ARB2A: variants seen among roughly 807,000 people sequenced by gnomAD.
ARB2A encodes the protein ARB2 cotranscriptional regulator A.
the ARB2A span, chr5:93,784,537 T>A: frequency 1.3e-6 from 2 of 1,531,118 alleles, no homozygotes; most frequent in Non-Finnish European, 1.8e-6. Flanking sequence ...TGGCTATAAT[T>A]GTTTTTCCTA....
chr5:93,814,906 T>C, the ARB2A span, among the ~76,000 whole-genome samples: 3 of 152,224 alleles, frequency 2.0e-5, no homozygotes, highest in Non-Finnish European at 2.9e-5. Flanking sequence ...GGTGTGATCA[T>C]AGCTCACTGC....
At chr5:93,671,722 A>T in the ARB2A span, among the ~76,000 whole-genome samples, 4 of 152,146 alleles carry the variant, frequency 2.6e-5, no homozygotes, top group African/African-American at 9.7e-5. Flanking sequence ...TGGAAAAAAA[A>T]GTTTGGAAAA....
chr5:93,851,574 G>C, the ARB2A span, among the ~76,000 whole-genome samples: 1 of 152,222 alleles, frequency 6.6e-6, no homozygotes, highest in South Asian at 2.1e-4. Context: ...TTTAGCATTA[G>C]GTATATCTCC....
At chr5:93,626,941 C>A in the ARB2A span, among the ~76,000 whole-genome samples, 1 of 152,214 alleles carries the variant, frequency 6.6e-6, no homozygotes, top group South Asian at 2.1e-4. Flanking sequence ...GAACTTCTTT[C>A]AAAATTAGTC....
chr5:94,052,812 T>C, the ARB2A span, among the ~76,000 whole-genome samples: 93 of 152,292 alleles, frequency 6.1e-4, no homozygotes, highest in African/African-American at 2.2e-3. Context: ...GGAGTTCAAA[T>C]TGGATACCAG....
the ARB2A span, among the ~76,000 whole-genome samples, chr5:93,924,646 C>G: frequency 6.6e-6 from 1 of 152,014 alleles, no homozygotes; most frequent in Non-Finnish European, 1.5e-5. Context: ...CCAGGAGAAC[C>G]AAGTAGTGAA....
the ARB2A span, among the ~76,000 whole-genome samples, chr5:93,884,196 C>T: frequency 7.9e-5 from 12 of 151,624 alleles, no homozygotes; most frequent in African/African-American, 2.9e-4. Flanking sequence ...ACAAAATTTA[C>T]AGTCACCAGA....
chr5:93,733,521 A>C, the ARB2A span: 4 of 152,122 alleles, frequency 2.6e-5, no homozygotes, highest in Non-Finnish European at 5.9e-5. Context: ...TTTCTTATAA[A>C]AATTCTTAAA....
the ARB2A span, among the ~76,000 whole-genome samples, chr5:93,870,725 A>G: frequency 2.6e-5 from 4 of 152,220 alleles, no homozygotes; most frequent in Non-Finnish European, 5.9e-5. Flanking sequence ...TTACTGCCAC[A>G]TAAGGGGGGG....
chr5:93,924,073 G>C, the ARB2A span, among the ~76,000 whole-genome samples: 2 of 152,178 alleles, frequency 1.3e-5, no homozygotes, highest in African/African-American at 4.8e-5. Flanking sequence ...ATATTTGAAA[G>C]CACAAAACTA....
chr5:93,805,960 G>C, the ARB2A span: 2 of 983,960 alleles, frequency 2.0e-6, no homozygotes, highest in African/African-American at 3.5e-5. Context: ...TGAGGTAAAA[G>C]AGCTCTCCTC....
At chr5:94,019,067 T>A in the ARB2A span, among the ~76,000 whole-genome samples, 1 of 152,176 alleles carries the variant, frequency 6.6e-6, no homozygotes, top group East Asian at 1.9e-4. Context: ...GGGGAAATGA[T>A]TCCATATTTA....
the ARB2A span, among the ~76,000 whole-genome samples, chr5:93,939,825 G>C: frequency 6.6e-6 from 1 of 151,998 alleles, no homozygotes; most frequent in Non-Finnish European, 1.5e-5. Context: ...TTCATCGTAA[G>C]TTCTACTCTA....
chr5:93,998,258 G>C, the ARB2A span, among the ~76,000 whole-genome samples: 2 of 152,006 alleles, frequency 1.3e-5, no homozygotes, highest in Non-Finnish European at 2.9e-5. Flanking sequence ...TATTGAGATG[G>C]GGATGTGGGG....
At chr5:94,077,706 T>C in the ARB2A span, among the ~76,000 whole-genome samples, 1 of 152,226 alleles carries the variant, frequency 6.6e-6, no homozygotes, top group Non-Finnish European at 1.5e-5. Context: ...TGGCATTATC[T>C]GATGGAGGTT....
At chr5:94,104,355 A>C in the ARB2A span, among the ~76,000 whole-genome samples, 5 of 151,574 alleles carry the variant, frequency 3.3e-5, no homozygotes, top group African/African-American at 2.4e-5. Flanking sequence ...AAAAAAAAAA[A>C]CTCTCAGAGA....
At chr5:93,678,952 A>C in the ARB2A span, among the ~76,000 whole-genome samples, 1 of 152,180 alleles carries the variant, frequency 6.6e-6, no homozygotes, top group Non-Finnish European at 1.5e-5. Context: ...ACCATCGGCA[A>C]TGTTTTTCTT....
the ARB2A span, among the ~76,000 whole-genome samples, chr5:93,991,993 G>GA: frequency 5.9e-5 from 9 of 151,262 alleles, no homozygotes; most frequent in African/African-American, 1.5e-4. Flanking sequence ...CAGTGATAAA[G>GA]AAAAAAAATC....
At chr5:93,865,004 A>T in the ARB2A span, among the ~76,000 whole-genome samples, 1 of 152,186 alleles carries the variant, frequency 6.6e-6, no homozygotes, top group Admixed American at 6.5e-5. Flanking sequence ...ATGTGAAGAG[A>T]TCTGTTCCAA....
Sources: allele counts gnomAD v4.1 joint callset (sites outside exome capture counted in the v4.1 genomes callset), GRCh38; gene constraint gnomAD v4.1.1; transcripts MANE v1.5; gene names NCBI Gene and HGNC (gene_info 2026-07-23, HGNC 2026-07-21).